Variants in MYO16 observed in about 807,000 individuals in gnomAD.
The protein encoded by MYO16 is unconventional myosin-XVI.
A neutral mutation model predicts 205.3 loss-of-function variants in MYO16; 94 were observed. The ratio of observed to expected loss-of-function variants is 0.46; its 90% CI spans 0.39 to 0.54. The LOEUF (loss-of-function observed/expected upper bound fraction) is 0.54, where lower values mean the gene tolerates loss of function less well. Ranked by LOEUF, MYO16 falls within the 20% of genes least tolerant of loss-of-function variation. The pLI is 0.00. For synonymous variants in MYO16, 988 were observed against 954.0 expected, an observed-to-expected ratio of 1.04 and a Z score of -0.66; for missense variants, 2,315 against 2,387.5, an observed-to-expected ratio of 0.97 and a Z score of 0.63.
In MYO16 at chr13:108,927,353, C is replaced by T. The variant is rs187701894; in HGVS notation, c.1925+17203C>T. On this transcript the variant is annotated intron_variant, in intron 16 of 34. Transcript: ENST00000457511. ...TGAGTGATTTTTCAACATCCCTTGG[C>T]GAGTGTCATACCTCTGAGGCCTTTG... is the stretch of plus-strand genomic sequence containing the variant. 3.5e-3 allele frequency among the ~76,000 whole-genome samples: 529 copies of T among 152,220 alleles called. 7 individuals are homozygous for T. The highest frequency in any genetic ancestry group is 3.0e-3 in the Non-Finnish European group (201 of 68,008).
intron 34 of MYO16, among the ~76,000 whole-genome samples, chr13:109,197,923 A>G (rs1393615692): frequency 6.6e-6 from 1 of 152,148 alleles, no homozygotes; most frequent in Non-Finnish European, 1.5e-5. Flanking sequence ...TGCGCTGACT[A>G]TTCTATTCAT....
intron 21 of MYO16, among the ~76,000 whole-genome samples, chr13:108,992,907 A>G (rs1449662009): frequency 1.3e-5 from 2 of 152,242 alleles, no homozygotes; most frequent in Non-Finnish European, 2.9e-5. Flanking sequence ...TTAGAGAGGC[A>G]TGGGTTGTTT....
chr13:109,092,454 G>A (rs573519043), intron 27 of MYO16, among the ~76,000 whole-genome samples: 6 of 152,268 alleles, frequency 3.9e-5, no homozygotes, highest in South Asian at 4.1e-4. Flanking sequence ...GCTGGAAGCC[G>A]TTATCCTTAG....
At position 108,903,450 on chromosome 13, in the gene MYO16, C is replaced by G. The variant is rs181370987; in HGVS notation, c.1777+5317C>G. Among the ~76,000 whole-genome samples the G allele has an allele frequency of 1.7e-4, 26 of 152,214 alleles. No individual in the cohort carries two copies. The East Asian group carries it at 4.4e-3, about 26-fold the overall frequency. ...TGAAGGTAAAGGGTGACTACTGTAT[C>G]TCTGTATTGATGCTATTCCCAAAGA... is the stretch of plus-strand genomic sequence containing the variant. On this transcript the variant is annotated intron_variant, in intron 15 of 34. Transcript: ENST00000457511.
At position 108,658,426 on chromosome 13, in the gene MYO16, T is replaced by TTGTGTGTGTGTGTG. The variant is rs145187326; in HGVS notation, c.29-7440_29-7427dup. Among the ~76,000 whole-genome samples the TTGTGTGTGTGTGTG allele has an allele frequency of 1.8e-3, 262 of 145,278 alleles. 8 individuals carry two copies. The South Asian group carries it at 0.047, about 26-fold the overall frequency. ...CTTCCTTCTTTTTTTTGTTTCAACT[T>TTGTGTGTGTGTGTG]TGTGTGTGTGTGTGTGTGTGTGTGT... is the stretch of plus-strand genomic sequence containing the variant. On this transcript the variant is annotated intron_variant, in intron 1 of 34. Transcript: ENST00000457511.
At chr13:108,834,658 T>G (rs1876803967) in intron 9 of MYO16, among the ~76,000 whole-genome samples, 1 of 143,692 alleles carries the variant, frequency 7.0e-6, no homozygotes, top group Admixed American at 6.7e-5. Flanking sequence ...TCTCTCTCTC[T>G]CTCTCTCTCT....
In MYO16 at chr13:108,964,604, T is replaced by C. The variant is rs538551601; in HGVS notation, c.2228-157T>C. 2.0e-5 allele frequency among the ~76,000 whole-genome samples: 3 copies of C among 152,324 alleles called. No homozygotes were observed. In the East Asian group the frequency reaches 5.8e-4, roughly 29 times the overall value. ...CTGCTTTAGGAAACATTTTGCATAA[T>C]AACTGACGGAGACCTCATTTATGAG... On this transcript the variant is annotated intron_variant, in intron 19 of 34. Transcript: ENST00000457511.
chr13:109,139,881 G>A (rs913533989), intron 31 of MYO16, among the ~76,000 whole-genome samples: 3 of 148,764 alleles, frequency 2.0e-5, no homozygotes, highest in African/African-American at 5.0e-5. Flanking sequence ...AGGTCGTCTG[G>A]CTATTTATTT....
At chr13:108,753,500 G>T (rs1032612951) in intron 4 of MYO16, among the ~76,000 whole-genome samples, 1 of 151,256 alleles carries the variant, frequency 6.6e-6, no homozygotes, top group African/African-American at 2.4e-5. Context: ...TGGCTTTATT[G>T]ACTCATTCCG....
At chr13:108,695,169 C>T (rs531976910) in intron 2 of MYO16, among the ~76,000 whole-genome samples, 26 of 152,238 alleles carry the variant, frequency 1.7e-4, no homozygotes, top group Admixed American at 1.4e-3. Flanking sequence ...TATTTATGTC[C>T]TTCATCCTCT....
At chr13:109,016,835 C>G (rs1885843128) in intron 22 of MYO16, among the ~76,000 whole-genome samples, 1 of 151,824 alleles carries the variant, frequency 6.6e-6, no homozygotes, top group Non-Finnish European at 1.5e-5. Flanking sequence ...TCCTCCATCT[C>G]TTTATTTTGA....
chr13:108,520,639 A>ATTAAG, the MYO16 span, among the ~76,000 whole-genome samples: 49,962 of 151,784 alleles, frequency 0.33, 10,048 homozygotes, highest in African/African-American at 0.57. Context: ...TTTACAATTT[A>ATTAAG]TTAATACATT....
At chr13:109,011,269 A>G (rs1885586900) in intron 22 of MYO16, among the ~76,000 whole-genome samples, 1 of 151,632 alleles carries the variant, frequency 6.6e-6, no homozygotes, top group Non-Finnish European at 1.5e-5. Context: ...TTTCCTTCCC[A>G]GGGAGGTTAT....
intron 28 of MYO16, chr13:109,101,951 A>T (rs1457404530): frequency 6.6e-6 from 1 of 152,214 alleles, no homozygotes; most frequent in African/African-American, 2.4e-5. Flanking sequence ...CAGTCTAAGT[A>T]AAACAGGGAG....
At chr13:108,575,371 G>T in the MYO16 span, among the ~76,000 whole-genome samples, 2 of 152,168 alleles carry the variant, frequency 1.3e-5, no homozygotes, top group Non-Finnish European at 2.9e-5. Flanking sequence ...CTCTAGGGAG[G>T]CTGATAGGTC....
intron 1 of MYO16, among the ~76,000 whole-genome samples, chr13:108,613,210 G>A (rs948776674): frequency 2.0e-5 from 3 of 152,098 alleles, no homozygotes; most frequent in African/African-American, 7.2e-5. Flanking sequence ...TCTGAATATG[G>A]TAGGGCTCAT....
At chr13:108,912,558 G>A (rs1881314196) in intron 16 of MYO16, among the ~76,000 whole-genome samples, 1 of 151,990 alleles carries the variant, frequency 6.6e-6, no homozygotes, top group African/African-American at 2.4e-5. Context: ...ACATGAAGAA[G>A]CTTGTACTCA....
intron 11 of MYO16, among the ~76,000 whole-genome samples, chr13:108,858,975 C>G (rs1878327510): frequency 6.6e-6 from 1 of 152,084 alleles, no homozygotes; most frequent in East Asian, 1.9e-4. Context: ...CACCATATGC[C>G]CATTCCTCCC....
chr13:108,588,785 G>C, the MYO16 span, among the ~76,000 whole-genome samples: 4,078 of 152,160 alleles, frequency 0.027, 176 homozygotes, highest in African/African-American at 0.091. Context: ...TCCTCAGGTT[G>C]CATGATTGCC....
Sources: gnomAD v4.1 joint callset for allele counts (sites outside exome capture counted in the v4.1 genomes callset) on GRCh38, gnomAD v4.1.1 for gene constraint, MANE v1.5 for transcripts, NCBI Gene and HGNC (gene_info 2026-07-23, HGNC 2026-07-21) for gene names.